Variants in GALNT18 observed in about 807,000 individuals in gnomAD.
GALNT18 encodes GalNAc-transferase 18.
In GALNT18, 44 loss-of-function variants were observed where a neutral mutation model predicts 69.5. That is an observed-to-expected ratio of 0.63 (90% CI 0.50 to 0.81). The LOEUF is 0.81. GALNT18 is among the 40% of genes least tolerant of loss of function. The pLI is 0.00. For synonymous variants in GALNT18, 364 were observed against 318.2 expected (o/e 1.14, Z -1.53); for missense variants, 715 against 810.0 (o/e 0.88, Z 1.42).
chr11:11,279,133 AGT>A (rs1056053335), intron 10 of GALNT18, among the ~76,000 whole-genome samples: 6 of 152,170 alleles, frequency 3.9e-5, no homozygotes, highest in African/African-American at 1.2e-4. Context: ...GTCATTTAAA[AGT>A]GTGTGGCACC....
Position 11,541,349 on chromosome 11 carries a change from C to T in GALNT18, c.235+80010G>A, listed in dbSNP as rs1261934866. Among the ~76,000 whole-genome samples, 4 of 151,890 alleles carry T rather than the reference C, an allele frequency of 2.6e-5. No individual in the cohort carries two copies. The East Asian group carries it at 7.7e-4, about 29-fold the overall frequency. On this transcript the variant is annotated intron_variant, in intron 1 of 10. Coordinates refer to ENST00000227756, the MANE Select transcript of GALNT18 (RefSeq NM_198516.3). This position sits in a 1 kb window ranked among gnomAD's most constrained non-coding sequence, Gnocchi z 4.8. Reference sequence around the variant, plus strand: ...GCTTCCTCAAACTCCACCTAGATCACCACCGTTATGATGATGATCTCCGCC... The same window carrying T: ...GCTTCCTCAAACTCCACCTAGATCATCACCGTTATGATGATGATCTCCGCC...
intron 8 of GALNT18, among the ~76,000 whole-genome samples, chr11:11,331,071 G>GCCACC (rs1850010078): frequency 6.6e-6 from 1 of 152,240 alleles, no homozygotes; most frequent in African/African-American, 2.4e-5. Flanking sequence ...GGAGTGTGGG[G>GCCACC]CATCAAAGGC....
In GALNT18 at chr11:11,276,698, TTATTGAGAGTGTTTGGCATGAAGGGG is replaced by T. The variant is rs763263060; in HGVS notation, c.1678-5434_1678-5409del. Among the ~76,000 whole-genome samples, 219 of 152,292 alleles carry T rather than the reference TTATTGAGAGTGTTTGGCATGAAGGGG, an allele frequency of 1.4e-3. 1 individual carries two copies. The highest frequency in any genetic ancestry group is 1.4e-3 in the Non-Finnish European group (98 of 68,026). On this transcript the variant is annotated intron_variant, in intron 10 of 10. Coordinates refer to ENST00000227756, the MANE Select transcript of GALNT18 (RefSeq NM_198516.3). ...GAGATATGTTCCATCGATACCTAGT[TTATTGAGAGTGTTTGGCATGAAGGGG>T]TATTGAATTTTATGGAAGGCCTTTT...
At chr11:11,484,542 G>A (rs183319312) in intron 1 of GALNT18, among the ~76,000 whole-genome samples, 18 of 140,450 alleles carry the variant, frequency 1.3e-4, no homozygotes, top group South Asian at 2.2e-4. Context: ...GTGGTGAGCC[G>A]AGATCACGCC....
chr11:11,554,969 AAC>A (rs1362962253), intron 1 of GALNT18, among the ~76,000 whole-genome samples: 1 of 152,204 alleles, frequency 6.6e-6, no homozygotes, highest in Non-Finnish European at 1.5e-5. Context: ...CTGGGAAGGA[AAC>A]ACAGAATCTC....
At chr11:11,324,223 C>A (rs973970573) in intron 9 of GALNT18, among the ~76,000 whole-genome samples, 8 of 152,202 alleles carry the variant, frequency 5.3e-5, no homozygotes, top group African/African-American at 1.9e-4. Flanking sequence ...GTTTTGGCAA[C>A]CTGAGCAGAC....
rs1053265438 is a variant in GALNT18, at chr11:11,511,459, T to C, written c.236-62523A>G. ...GACCCCATACATGTGATCCCCAGAA[T>C]AGGCCCCAGACAATCCTGAGGAGAC... On this transcript the variant is annotated intron_variant, in intron 1 of 10. Transcript: ENST00000227756. The surrounding 1 kb of genome is among the most constrained non-coding windows in gnomAD (Gnocchi z 4.9). Among the ~76,000 whole-genome samples the C allele has an allele frequency of 2.6e-5, 4 of 152,170 alleles. No individual in the cohort carries two copies. The highest frequency in any genetic ancestry group is 2.9e-5 in the Non-Finnish European group (2 of 68,022).
intron 1 of GALNT18, among the ~76,000 whole-genome samples, chr11:11,490,383 A>C (rs1442026885): frequency 1.3e-5 from 2 of 152,144 alleles, no homozygotes; most frequent in South Asian, 2.1e-4. Context: ...TGCATTATAA[A>C]TTCTCCAGTG....
chr11:11,325,087 A>C (rs1314905714), intron 9 of GALNT18, among the ~76,000 whole-genome samples: 1 of 152,252 alleles, frequency 6.6e-6, no homozygotes, highest in African/African-American at 2.4e-5. Context: ...TCACAATTGT[A>C]AAAATAGGGA....
intron 1 of GALNT18, among the ~76,000 whole-genome samples, chr11:11,482,363 C>T (rs10765857): frequency 0.48 from 72,388 of 152,156 alleles, 17,538 homozygotes; most frequent in Admixed American, 0.59. Flanking sequence ...TTATGAAAGC[C>T]CTCCACCCTG....
intron 9 of GALNT18, among the ~76,000 whole-genome samples, chr11:11,322,866 AG>A (rs1222061337): frequency 5.3e-5 from 8 of 152,194 alleles, no homozygotes; most frequent in Non-Finnish European, 8.8e-5. Context: ...GTTTCTGCTT[AG>A]GAACTACTTC....
At chr11:11,599,014 A>G (rs775528018) in intron 1 of GALNT18, among the ~76,000 whole-genome samples, 1 of 152,040 alleles carries the variant, frequency 6.6e-6, no homozygotes, top group Non-Finnish European at 1.5e-5. Flanking sequence ...GGCCTAGTGT[A>G]TGGTGTATTC....
At chr11:11,323,031 C>T (rs1042740786) in intron 9 of GALNT18, among the ~76,000 whole-genome samples, 1 of 152,162 alleles carries the variant, frequency 6.6e-6, no homozygotes, top group Non-Finnish European at 1.5e-5. Flanking sequence ...TTAATTACTT[C>T]CTCACTTGAA....
At chr11:11,550,217 A>G (rs1858156623) in intron 1 of GALNT18, among the ~76,000 whole-genome samples, 1 of 152,244 alleles carries the variant, frequency 6.6e-6, no homozygotes, top group Non-Finnish European at 1.5e-5. Context: ...CACAGGGTAC[A>G]GTGTCTAGAC....
intron 8 of GALNT18, 71 bp from the exon 9 acceptor site, chr11:11,327,252 G>A (rs1849939253): frequency 2.7e-6 from 3 of 1,124,882 alleles, no homozygotes; most frequent in Non-Finnish European, 2.7e-6. Flanking sequence ...TAACTCTGGA[G>A]AAACAAGTAT....
intron 1 of GALNT18, among the ~76,000 whole-genome samples, chr11:11,489,525 G>T (rs911601958): frequency 2.0e-5 from 3 of 152,172 alleles, no homozygotes; most frequent in Non-Finnish European, 4.4e-5. Context: ...TCCTTGGCAG[G>T]TCGCTCCCTA....
At chr11:11,293,292 C>CAGTT (rs1269595833) in intron 9 of GALNT18, 99 bp from the exon 10 acceptor site, 3 of 1,021,236 alleles carry the variant, frequency 2.9e-6, no homozygotes, top group East Asian at 6.2e-5. Flanking sequence ...AGAGAGGCCA[C>CAGTT]AGTTAGGGAA....
chr11:11,575,880 G>C (rs569921859), intron 1 of GALNT18, among the ~76,000 whole-genome samples: 1 of 152,200 alleles, frequency 6.6e-6, no homozygotes, highest in Non-Finnish European at 1.5e-5. Context: ...CTTTGAGGAC[G>C]AAATGCGACA....
At chr11:11,373,857 T>C (rs748975738) in intron 5 of GALNT18, among the ~76,000 whole-genome samples, 54 of 152,342 alleles carry the variant, frequency 3.5e-4, no homozygotes, top group Non-Finnish European at 6.5e-4. Flanking sequence ...AGCCCTTGCC[T>C]GGCTGGAGGA....
Sources: allele counts gnomAD v4.1 joint callset (sites outside exome capture counted in the v4.1 genomes callset), GRCh38; gene constraint gnomAD v4.1.1; non-coding constraint Gnocchi (gnomAD v3.1); transcripts MANE v1.5; gene names NCBI Gene and HGNC (gene_info 2026-07-23, HGNC 2026-07-21).